Variants in SMYD3 observed in about 807,000 individuals in gnomAD.
SMYD3 encodes histone-lysine N-methyltransferase SMYD3.
Under a neutral mutation model 57.7 loss-of-function variants are expected in SMYD3, and 36 were observed. The ratio of observed to expected loss-of-function variants is 0.62; its 90% confidence interval spans 0.48 to 0.82. The LOEUF is 0.82. Ranked by LOEUF, SMYD3 falls within the 40% of genes least tolerant of loss-of-function variation. The probability of loss-of-function intolerance (pLI) is 0.00; values close to 1 mark genes in which losing one functional copy is unlikely to be tolerated. For missense variants in SMYD3, 515 were observed against 538.8 expected, an observed-to-expected ratio of 0.96 and a Z score of 0.44; for synonymous variants, 211 against 195.0, an observed-to-expected ratio of 1.08 and a Z score of -0.68.
chr1:245,901,033 T>C (rs577226856), intron 8 of SMYD3, among the ~76,000 whole-genome samples: 8 of 152,318 alleles, frequency 5.3e-5, no homozygotes, highest in African/African-American at 1.7e-4. Flanking sequence ...TAAGGCAAAA[T>C]GGATCATGTT....
intron 1 of SMYD3, among the ~76,000 whole-genome samples, chr1:246,395,496 A>G (rs2066644219): frequency 6.6e-6 from 1 of 152,228 alleles, no homozygotes; most frequent in Non-Finnish European, 1.5e-5. Flanking sequence ...TAAAATAGAC[A>G]AGGCAAAACC....
chr1:246,335,467 GC>G lies in SMYD3; in HGVS notation c.235del (p.Ala79LeufsTer58), dbSNP rs1242826503. 6.2e-7 allele frequency: 1 copy of G among 1,614,046 alleles called. No homozygotes were observed. Among genetic ancestry groups the G allele is most frequent in the Non-Finnish European group, 8.5e-7 (1 of 1,179,950 alleles). ...GCATTCCCGCTTGTGGTCTGGCCAA[GC>G]TTTTTTCTATTAAAACAAGAGTGGG... ...KYCSAKCQKK[A>X]WPDHKRECKC... On this transcript the variant is annotated frameshift_variant, in exon 3 of 12. Transcript: ENST00000490107. LOFTEE classifies it high-confidence loss of function.
intron 5 of SMYD3, among the ~76,000 whole-genome samples, chr1:246,030,357 GC>G (rs1200536398): frequency 6.6e-6 from 1 of 152,104 alleles, no homozygotes; most frequent in Non-Finnish European, 1.5e-5. Context: ...TTATGTGGGA[GC>G]AAAAAAGATG....
At chr1:246,244,087 T>C (rs2063664602) in intron 5 of SMYD3, among the ~76,000 whole-genome samples, 1 of 150,104 alleles carries the variant, frequency 6.7e-6, no homozygotes, top group East Asian at 2.0e-4. Context: ...TTTATTTCAT[T>C]AATATCTCTT....
chr1:245,843,538 A>ATGTG (rs1352715713), intron 10 of SMYD3, among the ~76,000 whole-genome samples: 11 of 74,802 alleles, frequency 1.5e-4, no homozygotes, highest in African/African-American at 7.3e-4. Flanking sequence ...GTGTATATAT[A>ATGTG]TATGTGTGTG....
At chr1:246,500,194 G>T (rs140386256) in intron 1 of SMYD3, among the ~76,000 whole-genome samples, 1 of 152,176 alleles carries the variant, frequency 6.6e-6, no homozygotes, top group Non-Finnish European at 1.5e-5. Flanking sequence ...TAGATTGACC[G>T]AACTTAGGTC....
intron 1 of SMYD3, among the ~76,000 whole-genome samples, chr1:246,412,771 T>C (rs1477206373): frequency 1.4e-5 from 2 of 147,802 alleles, no homozygotes; most frequent in East Asian, 4.0e-4. Flanking sequence ...TGCAGGAGAA[T>C]GGCTTGAACT....
At chr1:245,994,775 G>A (rs2058889150) in intron 5 of SMYD3, among the ~76,000 whole-genome samples, 1 of 151,694 alleles carries the variant, frequency 6.6e-6, no homozygotes, top group Non-Finnish European at 1.5e-5. Context: ...AAGTGAGACT[G>A]AGAAAGTAAG....
At chr1:246,325,269 CGGGGGGGCGGGAAGGAGGGAGAAGGAGTT>C (rs2065328762) in intron 5 of SMYD3, among the ~76,000 whole-genome samples, 149 of 10,912 alleles carry the variant, frequency 0.014, 8 homozygotes, top group East Asian at 0.047. Flanking sequence ...GAGAAGGAGT[CGGGGGGGCGGGAAGGAGGGAGAAGGAGTT>C]GGGGGGGCGG....
At chr1:246,378,924 T>C (rs1006432262) in intron 1 of SMYD3, among the ~76,000 whole-genome samples, 1 of 138,152 alleles carries the variant, frequency 7.2e-6, no homozygotes, top group Non-Finnish European at 1.5e-5. Context: ...ATAACAATCC[T>C]CAGAAATGGA....
intron 8 of SMYD3, among the ~76,000 whole-genome samples, chr1:245,894,420 G>C: frequency 6.6e-6 from 1 of 151,962 alleles, no homozygotes; most frequent in Admixed American, 6.5e-5. Context: ...ACCCGCTCAG[G>C]TCCCCTTCCA....
chr1:245,981,577 C>G (rs2148071470), intron 5 of SMYD3, among the ~76,000 whole-genome samples: 1 of 152,152 alleles, frequency 6.6e-6, no homozygotes, highest in East Asian at 1.9e-4. Flanking sequence ...CTGTCAGAAA[C>G]CAAACATTTA....
chr1:245,807,245 A>G (rs552763614), intron 10 of SMYD3, among the ~76,000 whole-genome samples: 2 of 152,290 alleles, frequency 1.3e-5, no homozygotes, highest in East Asian at 1.9e-4. Context: ...GCTGCTGACC[A>G]GGTCTCTCTG....
intron 5 of SMYD3, among the ~76,000 whole-genome samples, chr1:246,069,837 G>C (rs2060412017): frequency 6.6e-6 from 1 of 152,152 alleles, no homozygotes; most frequent in African/African-American, 2.4e-5. Flanking sequence ...TGAGACTGTT[G>C]TCATTCTTCC....
intron 5 of SMYD3, among the ~76,000 whole-genome samples, chr1:246,006,994 T>G (rs1390079470): frequency 5.9e-5 from 9 of 152,188 alleles, no homozygotes; most frequent in Non-Finnish European, 1.5e-5. Context: ...TCCTTCCTGT[T>G]ACACGGTTCT....
intron 5 of SMYD3, among the ~76,000 whole-genome samples, chr1:246,148,569 GA>G (rs2061893214): frequency 6.6e-6 from 1 of 152,170 alleles, no homozygotes; most frequent in Non-Finnish European, 1.5e-5. Flanking sequence ...TTTCCGGCCA[GA>G]AAAGCGACAC....
intron 5 of SMYD3, among the ~76,000 whole-genome samples, chr1:246,212,729 T>C (rs1488431022): frequency 6.6e-6 from 1 of 152,146 alleles, no homozygotes; most frequent in South Asian, 2.1e-4. Context: ...TTCCCAAGCA[T>C]TTTTAGACCA....
intron 10 of SMYD3, among the ~76,000 whole-genome samples, chr1:245,824,762 G>C (rs1043750775): frequency 5.7e-4 from 86 of 151,966 alleles, no homozygotes; most frequent in Admixed American, 4.1e-3. Flanking sequence ...CGGCTGAGGC[G>C]GGAGAATTGC....
intron 10 of SMYD3, among the ~76,000 whole-genome samples, chr1:245,829,505 G>T (rs1396126594): frequency 6.6e-6 from 1 of 152,120 alleles, no homozygotes; most frequent in African/African-American, 2.4e-5. Context: ...AAGATATGGA[G>T]AGGTACTCTC....
Sources: gnomAD v4.1 joint callset for allele counts (sites outside exome capture counted in the v4.1 genomes callset) on GRCh38, gnomAD v4.1.1 for gene constraint, MANE v1.5 for transcripts, NCBI Gene and HGNC (gene_info 2026-07-23, HGNC 2026-07-21) for gene names.